CAND1: variants seen among roughly 807,000 people sequenced by gnomAD.
CAND1 encodes the protein cullin associated and neddylation dissociated 1.
In CAND1, 7 loss-of-function variants were observed where a neutral mutation model predicts 108.5. That is an observed-to-expected ratio of 0.06 (90% CI 0.04 to 0.12). CAND1 has a LOEUF of 0.12. Ranked by LOEUF, CAND1 falls within the 10% of genes least tolerant of loss-of-function variation. CAND1 has a pLI of 1.00. For synonymous variants in CAND1, 534 were observed against 512.0 expected (o/e 1.04, Z -0.58); for missense variants, 941 against 1,448.7 (o/e 0.65, Z 5.69).
At chr12:67,295,692 A>G (rs2044762553) in intron 4 of CAND1, among the ~76,000 whole-genome samples, 1 of 152,162 alleles carries the variant, frequency 6.6e-6, no homozygotes, top group Admixed American at 6.5e-5. Flanking sequence ...TCTGATTCTC[A>G]TATTCATTAT....
intron 1 of CAND1, chr12:67,270,600 G>A (rs1241194968): frequency 6.6e-6 from 1 of 152,136 alleles, no homozygotes; most frequent in Non-Finnish European, 1.5e-5. Context: ...CTTTATTACA[G>A]CAGTTCTGTT....
chr12:67,285,308 G>A (rs1481352496), intron 2 of CAND1, among the ~76,000 whole-genome samples: 3 of 152,172 alleles, frequency 2.0e-5, no homozygotes, highest in Admixed American at 6.5e-5. Context: ...GATATTTCAT[G>A]TCCTTGGATG....
intron 1 of CAND1, among the ~76,000 whole-genome samples, chr12:67,272,536 A>G (rs2044530141): frequency 6.6e-6 from 1 of 152,338 alleles, no homozygotes; most frequent in African/African-American, 2.4e-5. Context: ...TTAAGGCTCA[A>G]TTTATTGAAA....
Position 67,310,322 on chromosome 12 carries a change from A to G in CAND1, c.3360+6A>G. On this transcript the variant is annotated splice_donor_region_variant and intron_variant, in intron 13 of 14. Coordinates refer to ENST00000545606, the MANE Select transcript of CAND1 (RefSeq NM_018448.5). ...AGGACCATTATGATATTAAGGTAAG[A>G]TGTTTGTGCCTATTTATACAATGTT... is the stretch of plus-strand genomic sequence containing the variant. 6.3e-7 allele frequency: 1 copy of G among 1,585,980 alleles called. No homozygotes were observed. Among genetic ancestry groups the G allele is most frequent in the Non-Finnish European group, 8.6e-7 (1 of 1,159,058 alleles).
chr12:67,284,031 A>G (rs1347364843), intron 2 of CAND1, among the ~76,000 whole-genome samples: 1 of 152,182 alleles, frequency 6.6e-6, no homozygotes. Context: ...ATCAATTATT[A>G]AGCAGCCATA....
At chr12:67,278,560 C>T (rs2044591324) in intron 1 of CAND1, among the ~76,000 whole-genome samples, 2 of 151,992 alleles carry the variant, frequency 1.3e-5, no homozygotes, top group Admixed American at 1.3e-4. Context: ...ACTCTGTCAC[C>T]TAGGCTGTAG....
chr12:67,281,765 A>G (rs1294766754), intron 1 of CAND1, 145 bp from the exon 2 acceptor site: 8 of 555,366 alleles, frequency 1.4e-5, no homozygotes, highest in Non-Finnish European at 2.4e-5. Flanking sequence ...TAAATTTATG[A>G]TCACTTTTTT....
Position 67,269,496 on chromosome 12 carries a change from C to G in CAND1, c.-222C>G. 1 of 534,854 alleles carries G rather than the reference C, an allele frequency of 1.9e-6. No homozygotes were observed. The highest frequency in any genetic ancestry group is 3.2e-6 in the Non-Finnish European group (1 of 307,750). 33.1% of individuals were successfully genotyped at this position (534,854 alleles called of 1,614,324 possible). On this transcript the variant is annotated 5_prime_UTR_variant, in exon 1 of 15. Transcript: ENST00000545606. ...TCACGCGAACAGCGCCGTCGTTAGG[C>G]TGGCTCTGTAGCCTCGGCTTACCCC...
chr12:67,275,954 A>C (rs2044565201), intron 1 of CAND1, among the ~76,000 whole-genome samples: 1 of 152,194 alleles, frequency 6.6e-6, no homozygotes, highest in East Asian at 1.9e-4. Context: ...TCCCGTCTTA[A>C]TGCCTTCTTT....
chr12:67,301,746 A>G (rs2044826661), intron 7 of CAND1, among the ~76,000 whole-genome samples: 1 of 152,220 alleles, frequency 6.6e-6, no homozygotes, highest in South Asian at 2.1e-4. Context: ...TGTTCCTCAC[A>G]GCTTATCAAC....
Position 67,312,590 on chromosome 12 carries a change from T to A in CAND1, c.3469-16T>A, listed in dbSNP as rs1428928321. 3.2e-6 allele frequency: 5 copies of A among 1,553,798 alleles called. No individual in the cohort carries two copies. In the African/African-American group the frequency reaches 6.9e-5, roughly 21 times the overall value. On this transcript the variant is annotated splice_polypyrimidine_tract_variant and intron_variant, in intron 14 of 14. Transcript: ENST00000545606. Reference sequence around the variant, plus strand: ...GTCTTTTATAGCATGTAATCTAAGTTTACTCCATCTTACAGGTAAAGGCAA... The same window carrying A: ...GTCTTTTATAGCATGTAATCTAAGTATACTCCATCTTACAGGTAAAGGCAA...
Position 67,318,956 on chromosome 12 carries a change from A to G in CAND1, c.*6126A>G, listed in dbSNP as rs1265633470. The G allele has an allele frequency of 6.6e-6, 1 of 152,244 alleles. No individual in the cohort carries two copies. Among genetic ancestry groups the G allele is most frequent in the Admixed American group, 6.5e-5 (1 of 15,286 alleles). The allele number at this position is 152,244 out of a possible 1,614,324, so 9.4% of individuals were successfully genotyped here. ...AAGAATAGTTTTCAAATGAGTGTGC[A>G]TCACAGTCACCTGTAAGACTTATTA... On this transcript the variant is annotated 3_prime_UTR_variant, in exon 15 of 15. Coordinates refer to ENST00000545606, the MANE Select transcript of CAND1 (RefSeq NM_018448.5).
chr12:67,300,299 T>C (rs77506928), intron 7 of CAND1, among the ~76,000 whole-genome samples: 9,510 of 152,226 alleles, frequency 0.062, 355 homozygotes, highest in African/African-American at 0.087. Context: ...ATACTGTTGA[T>C]TTTTTTGTTG....
At chr12:67,299,973 A>G (rs73320752) in intron 7 of CAND1, among the ~76,000 whole-genome samples, 6,942 of 152,174 alleles carry the variant, frequency 0.046, 527 homozygotes, top group African/African-American at 0.16. Context: ...TTAACACCAT[A>G]TACTCCTCTA....
chr12:67,308,073 C>A (rs1201479981), intron 11 of CAND1, among the ~76,000 whole-genome samples: 1 of 151,950 alleles, frequency 6.6e-6, no homozygotes, highest in East Asian at 1.9e-4. Flanking sequence ...GATTTTATAA[C>A]CTCCTTGCAT....
At position 67,305,165 on chromosome 12, in the gene CAND1, A is replaced by C. The variant is rs1311774273; in HGVS notation, c.1497A>C (p.Ser499=). 1.9e-6 allele frequency: 3 copies of C among 1,613,784 alleles called. No homozygotes were observed. The East Asian group carries it at 6.7e-5, about 36-fold the overall frequency. Residue 499 remains serine (S), a synonymous_variant, in exon 10 of 15, where the codon TCA becomes TCC. Coordinates refer to ENST00000545606, the MANE Select transcript of CAND1 (RefSeq NM_018448.5). The surrounding 1 kb of genome is among the most constrained non-coding windows in gnomAD (Gnocchi z 4.4). ...SSSNLKIDAL[S]CLYVILCNHS... is the part of the protein sequence containing the mutation. ...CGAATTTGAAGATCGATGCTTTGTC[A>C]TGTCTATACGTAATCCTCTGTAACC... is the stretch of plus-strand genomic sequence containing the variant.
chr12:67,282,186 T>C (rs961026038), intron 2 of CAND1, 133 bp downstream of exon 2: 14 of 860,826 alleles, frequency 1.6e-5, no homozygotes, highest in Admixed American at 7.6e-5. Context: ...AATTTTTAGG[T>C]GACTAATGTT....
intron 2 of CAND1, among the ~76,000 whole-genome samples, chr12:67,285,183 G>A (rs1447842254): frequency 6.6e-6 from 1 of 152,154 alleles, no homozygotes; most frequent in East Asian, 1.9e-4. Context: ...TGGTGACCTT[G>A]TATTGCAGTG....
intron 1 of CAND1, among the ~76,000 whole-genome samples, chr12:67,275,046 A>G (rs146123966): frequency 2.0e-5 from 3 of 152,196 alleles, no homozygotes; most frequent in Non-Finnish European, 4.4e-5. Context: ...AAAAATACTT[A>G]GAAGGTTGAT....
Sources: allele counts gnomAD v4.1 joint callset (sites outside exome capture counted in the v4.1 genomes callset), GRCh38; gene constraint gnomAD v4.1.1; non-coding constraint Gnocchi (gnomAD v3.1); transcripts MANE v1.5; gene names NCBI Gene and HGNC (gene_info 2026-07-23, HGNC 2026-07-21).